Variants in PCDH17 observed in about 807,000 individuals in gnomAD.
PCDH17 encodes protocadherin 17, also known as protocadherin-17.
In PCDH17, 21 loss-of-function variants were observed where a neutral mutation model predicts 67.7. That is an observed-to-expected ratio of 0.31 (90% CI 0.22 to 0.45). PCDH17 has a LOEUF of 0.45. Among genes scored for constraint, PCDH17 ranks in the 20% least tolerant of loss-of-function variants. PCDH17 has a pLI of 1.00. For synonymous variants in PCDH17, 701 were observed against 656.7 expected (o/e 1.07, Z -1.03); for missense variants, 1,471 against 1,564.8 (o/e 0.94, Z 1.01).
chr13:57,638,256 A>G (rs1051774056), intron 1 of PCDH17, among the ~76,000 whole-genome samples: 12 of 152,098 alleles, frequency 7.9e-5, no homozygotes, highest in Admixed American at 5.2e-4. Flanking sequence ...TATGAAATCT[A>G]AAGTCAAGTA....
intron 3 of PCDH17, among the ~76,000 whole-genome samples, chr13:57,716,079 G>T (rs1164600549): frequency 6.6e-6 from 1 of 151,824 alleles, no homozygotes. Context: ...GTCTTGTTGT[G>T]TCTGTTGGAG....
chr13:57,639,107 T>G (rs1268939341), intron 1 of PCDH17, among the ~76,000 whole-genome samples: 1 of 147,922 alleles, frequency 6.8e-6, no homozygotes, highest in Non-Finnish European at 1.5e-5. Context: ...GGCATTCTGG[T>G]ATCTTGAGTA....
intron 3 of PCDH17, among the ~76,000 whole-genome samples, chr13:57,667,895 T>A (rs545314387): frequency 1.1e-3 from 168 of 148,340 alleles, no homozygotes; most frequent in African/African-American, 3.7e-3. Flanking sequence ...TTATATATAT[T>A]TTTTAAAACA....
chr13:57,647,961 A>G (rs1856643757), intron 1 of PCDH17, among the ~76,000 whole-genome samples: 1 of 152,000 alleles, frequency 6.6e-6, no homozygotes, highest in South Asian at 2.1e-4. Context: ...TAAAGAAAGA[A>G]ACTTTATAGT....
chr13:57,640,910 G>A (rs941285277), intron 1 of PCDH17, among the ~76,000 whole-genome samples: 1 of 151,978 alleles, frequency 6.6e-6, no homozygotes, highest in African/African-American at 2.4e-5. Flanking sequence ...TACAATATTA[G>A]TCATTGCACT....
At chr13:57,655,573 C>T (rs1955092211) in intron 1 of PCDH17, among the ~76,000 whole-genome samples, 1 of 151,752 alleles carries the variant, frequency 6.6e-6, no homozygotes, top group South Asian at 2.1e-4. Context: ...TTCATAGGTG[C>T]CTAGTTTGAC....
chr13:57,702,081 T>A (rs555684665), intron 3 of PCDH17, among the ~76,000 whole-genome samples: 1 of 151,820 alleles, frequency 6.6e-6, no homozygotes, highest in East Asian at 2.0e-4. Flanking sequence ...CCAGGCCCAG[T>A]TAATTTTTGT....
rs1265295945 is a variant in PCDH17, at chr13:57,726,509, G to A, written c.*1215G>A. 1.3e-5 allele frequency: 2 copies of A among 152,654 alleles called. No individual in the cohort carries two copies. The highest frequency in any genetic ancestry group is 2.9e-5 in the Non-Finnish European group (2 of 68,044). The allele number at this position is 152,654 out of a possible 1,614,324, so 9.5% of individuals were successfully genotyped here. On this transcript the variant is annotated 3_prime_UTR_variant, in exon 4 of 4. Transcript: ENST00000377918. ...TTTCCTGCTTCCTTTTCCCCATGGA[G>A]TGTGGGAAGCAGTGCCTCAGAGCAA...
Position 57,635,090 on chromosome 13 carries a change from C to T in PCDH17, c.2544C>T (p.Ala848=), listed in dbSNP as rs1199793499. Residue 848 remains alanine, a synonymous_variant, in exon 1 of 4, where the codon GCC becomes GCT. Coordinates refer to ENST00000377918, the MANE Select transcript of PCDH17 (RefSeq NM_001040429.3). Reference sequence around the variant, plus strand: ...GGACTAATGCAAGCGAGACCCCTGCCACTCGGATGTCCATAATTCAGGTAG... The same window carrying T: ...GGACTAATGCAAGCGAGACCCCTGCTACTCGGATGTCCATAATTCAGGTAG... ...GQGTNASETP[A]TRMSIIQTDN... is the part of the protein sequence containing the mutation. The T allele has an allele frequency of 6.2e-7, 1 of 1,613,460 alleles. No homozygotes were observed. The highest frequency in any genetic ancestry group is 2.2e-5 in the East Asian group (1 of 44,872).
chr13:57,689,686 A>G (rs1331136204), intron 3 of PCDH17, among the ~76,000 whole-genome samples: 1 of 152,058 alleles, frequency 6.6e-6, no homozygotes, highest in East Asian at 1.9e-4. Flanking sequence ...TATTCCAAAT[A>G]TATAATTTGT....
Position 57,727,259 on chromosome 13 carries a change from T to A in PCDH17, c.*1965T>A, listed in dbSNP as rs937692965. On this transcript the variant is annotated 3_prime_UTR_variant, in exon 4 of 4. Coordinates refer to ENST00000377918, the MANE Select transcript of PCDH17 (RefSeq NM_001040429.3). The stretch of plus-strand genomic sequence containing the variant: ...TGGTGCTGAGTTAAATAAAGGCTGT[T>A]TGAGCACTGGAGCAGAAAAATGCAT... 1 of 152,530 alleles carries A rather than the reference T, an allele frequency of 6.6e-6. No individual in the cohort carries two copies. The highest frequency in any genetic ancestry group is 1.5e-5 in the Non-Finnish European group (1 of 68,000). 9.4% of individuals were successfully genotyped at this position (152,530 alleles called of 1,614,324 possible). A position where few individuals can be genotyped will look rare whatever the true frequency, so the allele number is the denominator to read the frequency against.
At chr13:57,684,939 T>G (rs1955492423) in intron 3 of PCDH17, among the ~76,000 whole-genome samples, 1 of 151,996 alleles carries the variant, frequency 6.6e-6, no homozygotes, top group Admixed American at 6.6e-5. Flanking sequence ...ATCAGTTCAA[T>G]AATGTCAAAC....
At chr13:57,655,315 A>G (rs1955089237) in intron 1 of PCDH17, among the ~76,000 whole-genome samples, 1 of 151,960 alleles carries the variant, frequency 6.6e-6, no homozygotes, top group South Asian at 2.1e-4. Flanking sequence ...TTATCTTCTA[A>G]TTGATGATTT....
intron 3 of PCDH17, among the ~76,000 whole-genome samples, chr13:57,677,988 A>G (rs1284159892): frequency 1.3e-5 from 2 of 151,736 alleles, no homozygotes; most frequent in Non-Finnish European, 2.9e-5. Context: ...GATCTTTTGT[A>G]CAGCATGGTG....
At chr13:57,686,526 A>T (rs1222857528) in intron 3 of PCDH17, among the ~76,000 whole-genome samples, 3 of 151,958 alleles carry the variant, frequency 2.0e-5, no homozygotes, top group Admixed American at 2.0e-4. Context: ...TCCCATATAA[A>T]GTGATATGAA....
chr13:57,683,334 G>A (rs1955474886), intron 3 of PCDH17, among the ~76,000 whole-genome samples: 1 of 151,806 alleles, frequency 6.6e-6, no homozygotes, highest in Non-Finnish European at 1.5e-5. Context: ...AAGTAGTATT[G>A]GCTGGCAAAA....
chr13:57,659,103 T>TTGTGTGTGTGTGTGTG (rs71083322), intron 1 of PCDH17, among the ~76,000 whole-genome samples: 17 of 139,748 alleles, frequency 1.2e-4, no homozygotes, highest in Middle Eastern at 3.2e-3. Context: ...GTTATTTATA[T>TTGTGTGTGTGTGTGTG]TGTGTGTGTG....
chr13:57,632,954 G>A lies in PCDH17; in HGVS notation c.408G>A (p.Gln136=), dbSNP rs371486551. ...ACGCGCCCTCCTTCTCCTCGGACCA[G>A]ATCGAAATGGACATCTCGGAGAACG... is the stretch of plus-strand genomic sequence containing the variant. ...NDNAPSFSSD[Q]IEMDISENAA... Residue 136 remains glutamine (Q), a synonymous_variant, in exon 1 of 4, where the codon CAG becomes CAA. Transcript: ENST00000377918. 3.4e-5 allele frequency: 55 copies of A among 1,613,752 alleles called. No individual in the cohort carries two copies. In the African/African-American group the frequency reaches 6.1e-4, roughly 18 times the overall value.
In PCDH17 at chr13:57,725,318, G is replaced by A. The variant is rs1221044291; in HGVS notation, c.*24G>A. 1 of 1,549,144 alleles carries A rather than the reference G, an allele frequency of 6.5e-7. No individual in the cohort carries two copies. The highest frequency in any genetic ancestry group is 1.4e-5 in the African/African-American group (1 of 72,106). ...GAAAAAAGAAAAAAAAAAAGGCATTGGCATTTTCTTGTCTCTTCTGTTGAT... is the reference window on the plus strand; with the variant it reads ...GAAAAAAGAAAAAAAAAAAGGCATTAGCATTTTCTTGTCTCTTCTGTTGAT... On this transcript the variant is annotated 3_prime_UTR_variant, in exon 4 of 4. Transcript: ENST00000377918.
Sources: gnomAD v4.1 joint callset for allele counts (sites outside exome capture counted in the v4.1 genomes callset) on GRCh38, gnomAD v4.1.1 for gene constraint, MANE v1.5 for transcripts, NCBI Gene and HGNC (gene_info 2026-07-23, HGNC 2026-07-21) for gene names.